MORN5: variants seen among roughly 807,000 people sequenced by gnomAD.
MORN5 encodes the protein MORN repeat containing 5, also known as MORN repeat-containing protein 5.
Under a neutral mutation model 22.1 loss-of-function variants are expected in MORN5, and 21 were observed. The ratio of observed to expected loss-of-function variants is 0.95; its 90% CI spans 0.67 to 1.37. MORN5 has a LOEUF of 1.37. Among genes scored for constraint, MORN5 ranks in the 40% most tolerant of loss-of-function variants. The probability of loss-of-function intolerance (pLI) is 0.00; values close to 1 mark genes in which losing one functional copy is unlikely to be tolerated. For missense variants in MORN5, 211 were observed against 215.1 expected, an observed-to-expected ratio of 0.98 and a Z score of 0.12; for synonymous variants, 73 against 74.0, an observed-to-expected ratio of 0.99 and a Z score of 0.07.
intron 4 of MORN5, among the ~76,000 whole-genome samples, chr9:122,198,563 C>T (rs543426105): frequency 1.3e-4 from 20 of 152,058 alleles, no homozygotes; most frequent in African/African-American, 3.1e-4. Context: ...GAGAAGGCAG[C>T]GTGGTGTGAA....
intron 4 of MORN5, among the ~76,000 whole-genome samples, chr9:122,194,794 C>T (rs1195728590): frequency 6.6e-6 from 1 of 152,066 alleles, no homozygotes; most frequent in Non-Finnish European, 1.5e-5. Context: ...CCGAGGTGGG[C>T]GGATCACCTG....
rs1829295359 is a variant in MORN5, at chr9:122,166,974, A to AC, written c.195+62dup. 2.0e-6 allele frequency: 3 copies of AC among 1,498,080 alleles called. No homozygotes were observed. In the African/African-American group the frequency reaches 4.2e-5, roughly 21 times the overall value. 92.8% of individuals were successfully genotyped at this position (1,498,080 alleles called of 1,614,324 possible). ...GAGATCCTCACGCAAGAAGAGCCTC[A>AC]CCCTCTGGCACCCCATCCTCCCTGT... On this transcript the variant is annotated intron_variant, in intron 2 of 4. Coordinates refer to ENST00000373764, the MANE Select transcript of MORN5 (RefSeq NM_198469.4).
At chr9:122,172,990 T>A (rs35967576) in intron 3 of MORN5, among the ~76,000 whole-genome samples, 2,338 of 152,286 alleles carry the variant, frequency 0.015, 34 homozygotes, top group Non-Finnish European at 0.023. Flanking sequence ...GAATTAGTTA[T>A]GATGGGAGGC....
chr9:122,160,887 T>C (rs1433591510), intron 1 of MORN5, among the ~76,000 whole-genome samples: 1 of 152,212 alleles, frequency 6.6e-6, no homozygotes, highest in Non-Finnish European at 1.5e-5. Flanking sequence ...TGCCCAGCAA[T>C]TCAACAATGT....
At position 122,166,931 on chromosome 9, in the gene MORN5, G is replaced by C. The variant is rs946558883; in HGVS notation, c.195+16G>C. On this transcript the variant is annotated intron_variant, in intron 2 of 4. Coordinates refer to ENST00000373764, the MANE Select transcript of MORN5 (RefSeq NM_198469.4). ...GGCCATAAAGGTGATCAGCTGGGGG[G>C]ACGGATGCTGTGGAGGAGAGATCCT... is the stretch of plus-strand genomic sequence containing the variant. 23 of 1,610,058 alleles carry C rather than the reference G, an allele frequency of 1.4e-5. No individual in the cohort carries two copies. The highest frequency in any genetic ancestry group is 1.8e-5 in the Non-Finnish European group (21 of 1,177,900).
intron 1 of MORN5, among the ~76,000 whole-genome samples, chr9:122,160,352 A>G (rs1829173353): frequency 6.6e-6 from 1 of 152,238 alleles, no homozygotes; most frequent in African/African-American, 2.4e-5. Flanking sequence ...TAAAATAATT[A>G]CAGATAATGG....
intron 4 of MORN5, among the ~76,000 whole-genome samples, chr9:122,189,578 A>G (rs1362756262): frequency 6.6e-6 from 1 of 152,140 alleles, no homozygotes; most frequent in East Asian, 1.9e-4. Context: ...CTTGGGTGAC[A>G]GAATGAGACC....
intron 4 of MORN5, among the ~76,000 whole-genome samples, chr9:122,196,686 A>C (rs192909136): frequency 6.6e-6 from 1 of 152,244 alleles, no homozygotes; most frequent in Non-Finnish European, 1.5e-5. Context: ...TAGTGAAAGA[A>C]GATTTGGGAA....
At chr9:122,194,812 G>C (rs1829850121) in intron 4 of MORN5, among the ~76,000 whole-genome samples, 1 of 152,152 alleles carries the variant, frequency 6.6e-6, no homozygotes, top group Non-Finnish European at 1.5e-5. Context: ...CTGAGGTCAG[G>C]AGTTTGAAAC....
In MORN5 at chr9:122,169,655, C is replaced by T. The variant is rs377753435; in HGVS notation, c.206C>T (p.Thr69Met). 69 of 1,613,090 alleles carry T rather than the reference C, an allele frequency of 4.3e-5. No individual in the cohort carries two copies. Among genetic ancestry groups the T allele is most frequent in the Middle Eastern group, 1.7e-4 (1 of 6,058 alleles). ...ENGLAIKGTY[T>M]FSDGLHYDEK... is the part of the protein sequence containing the mutation. ...CTCCTTGTCTTCCAGGGCACATATACGTTCTCAGATGGGCTGCACTATGAT... is the reference window on the plus strand; with the variant it reads ...CTCCTTGTCTTCCAGGGCACATATATGTTCTCAGATGGGCTGCACTATGAT... The change falls in exon 3 of 5, where the codon ACG (threonine) becomes ATG (methionine). Residue 69 changes from threonine (T) to methionine (M), a missense_variant. Transcript: ENST00000373764.
At chr9:122,178,171 G>A (rs1367893763) in intron 4 of MORN5, among the ~76,000 whole-genome samples, 1 of 152,188 alleles carries the variant, frequency 6.6e-6, no homozygotes, top group Admixed American at 6.5e-5. Flanking sequence ...GGCAACCTGG[G>A]CAACACAGCA....
chr9:122,161,025 G>T (rs1479325142), intron 1 of MORN5, among the ~76,000 whole-genome samples: 31 of 152,224 alleles, frequency 2.0e-4, no homozygotes, highest in Non-Finnish European at 1.5e-5. Flanking sequence ...GGTAAGAGCT[G>T]TAGTAGAGAG....
At chr9:122,169,991 T>G (rs1423957060) in intron 3 of MORN5, among the ~76,000 whole-genome samples, 1 of 152,188 alleles carries the variant, frequency 6.6e-6, no homozygotes. Flanking sequence ...GCGCCTCAGT[T>G]TCTCCCCTTC....
chr9:122,189,068 G>A (rs990305160), intron 4 of MORN5, among the ~76,000 whole-genome samples: 3 of 152,076 alleles, frequency 2.0e-5, no homozygotes, highest in Admixed American at 1.3e-4. Flanking sequence ...GGTGGCGGGT[G>A]CCTGTAATCC....
chr9:122,179,174 A>C (rs369615664), intron 4 of MORN5, among the ~76,000 whole-genome samples: 59 of 152,330 alleles, frequency 3.9e-4, no homozygotes, highest in African/African-American at 1.3e-3. Context: ...TGTCATAAAT[A>C]GGGAGCTCCA....
At chr9:122,161,975 T>G (rs1178783337) in intron 1 of MORN5, among the ~76,000 whole-genome samples, 6 of 152,338 alleles carry the variant, frequency 3.9e-5, no homozygotes, top group African/African-American at 1.4e-4. Flanking sequence ...TTTCACTTGT[T>G]ATACTTCTTT....
chr9:122,173,176 C>T (rs1829391156), intron 3 of MORN5, among the ~76,000 whole-genome samples: 1 of 152,204 alleles, frequency 6.6e-6, no homozygotes, highest in African/African-American at 2.4e-5. Flanking sequence ...CTCTCCCCTA[C>T]TTCTCCTGTG....
chr9:122,181,023 T>C (rs970113613), intron 4 of MORN5, among the ~76,000 whole-genome samples: 5 of 152,342 alleles, frequency 3.3e-5, no homozygotes, highest in Admixed American at 6.5e-5. Context: ...CCAAATTCAA[T>C]ACCTGGCACA....
chr9:122,174,356 T>C (rs1207564588), intron 3 of MORN5, 140 bp from the exon 4 acceptor site: 2 of 914,710 alleles, frequency 2.2e-6, no homozygotes, highest in Non-Finnish European at 3.3e-6. Flanking sequence ...GGTTTGCTTC[T>C]TGCCCTGAGT....
Sources: gnomAD v4.1 joint callset for allele counts (sites outside exome capture counted in the v4.1 genomes callset) on GRCh38, gnomAD v4.1.1 for gene constraint, MANE v1.5 for transcripts, NCBI Gene and HGNC (gene_info 2026-07-23, HGNC 2026-07-21) for gene names.